The following LTBP2 variants were observed in gnomAD, a reference collection of about 807,000 sequenced individuals.
LTBP2 encodes latent-transforming growth factor beta-binding protein 2.
In LTBP2, 103 loss-of-function variants were observed where a neutral mutation model predicts 210.6. That is an observed-to-expected ratio of 0.49 (90% CI 0.42 to 0.58). LTBP2 has a LOEUF of 0.58. Ranked by LOEUF, LTBP2 falls within the 20% of genes least tolerant of loss-of-function variation. LTBP2 has a pLI of 0.00. For synonymous variants in LTBP2, 1,007 were observed against 1,015.0 expected (o/e 0.99, Z 0.15); for missense variants, 2,313 against 2,494.5 (o/e 0.93, Z 1.55).
chr14:74,533,606 G>A (rs530692460), intron 9 of LTBP2, among the ~76,000 whole-genome samples: 52 of 152,338 alleles, frequency 3.4e-4, no homozygotes, highest in Non-Finnish European at 5.4e-4. Context: ...ACAGTTAAGA[G>A]TGTGCAAAGG....
chr14:74,502,850 C>G lies in LTBP2; in HGVS notation c.4973G>C (p.Gly1658Ala). 1 of 1,614,048 alleles carries G rather than the reference C, an allele frequency of 6.2e-7. No individual in the cohort carries two copies. Among genetic ancestry groups the G allele is most frequent in the Non-Finnish European group, 8.5e-7 (1 of 1,180,008 alleles). The change falls in exon 34 of 36, where the codon GGC becomes GCC. Residue 1658 changes from glycine to alanine, a missense_variant. Gly to Ala is a moderately conservative substitution (Grantham distance 60, BLOSUM62 0). Around this residue, in one of 3 missense-constraint regions of LTBP2, gnomAD observed 443 missense variants for 501.4 expected, o/e 0.88. Transcript: ENST00000261978. ...GTAGTGCAGGTCATCGGGCCCGGGG[C>G]CATACTCATAGCCTGGCCGGAAGTG... Reference protein sequence around the residue: ...GVHFRPGYEYGPGPDDLHYSI... With the variant: ...GVHFRPGYEYAPGPDDLHYSI...
At position 74,565,049 on chromosome 14, in the gene LTBP2, T is replaced by A. The variant is rs79001264; in HGVS notation, c.831-9356A>T. 2.0e-5 allele frequency among the ~76,000 whole-genome samples: 3 copies of A among 152,122 alleles called. No homozygotes were observed. The East Asian group carries it at 5.8e-4, about 29-fold the overall frequency. On this transcript the variant is annotated intron_variant, in intron 3 of 35. Coordinates refer to ENST00000261978, the MANE Select transcript of LTBP2 (RefSeq NM_000428.3). ...AGGTGTCTGGGCTGTACTGAGTGGG[T>A]GAAGGGGAGTGTCCTGAGATTTTGA...
Position 74,503,737 on chromosome 14 carries a change from C to T in LTBP2, c.4583-131G>A, listed in dbSNP as rs1231810233. 6 of 1,301,992 alleles carry T rather than the reference C, an allele frequency of 4.6e-6. No individual in the cohort carries two copies. The Admixed American group carries it at 8.5e-5, about 19-fold the overall frequency. 80.7% of individuals were successfully genotyped at this position (1,301,992 alleles called of 1,614,324 possible). A position where few individuals can be genotyped will look rare whatever the true frequency, so the allele number is the denominator to read the frequency against. ...CCTCCCTCCCCTCAACCCAGCCCAG[C>T]CTGGAAGGCCCTCCTGGGGACAATC... is the stretch of plus-strand genomic sequence containing the variant. On this transcript the variant is annotated intron_variant, in intron 31 of 35. Coordinates refer to ENST00000261978, the MANE Select transcript of LTBP2 (RefSeq NM_000428.3).
At chr14:74,531,835 C>A (rs1200228771) in intron 10 of LTBP2, among the ~76,000 whole-genome samples, 1 of 152,244 alleles carries the variant, frequency 6.6e-6, no homozygotes, top group Admixed American at 6.5e-5. Context: ...CAGCCTGGGC[C>A]TCTCACCCTG....
At chr14:74,585,150 G>A (rs927528721) in intron 3 of LTBP2, among the ~76,000 whole-genome samples, 5 of 152,112 alleles carry the variant, frequency 3.3e-5, no homozygotes, top group Non-Finnish European at 7.4e-5. Flanking sequence ...TGGCAAGCAG[G>A]CCAGGGAATC....
chr14:74,563,305 G>A (rs749433192), intron 3 of LTBP2, among the ~76,000 whole-genome samples: 1 of 152,068 alleles, frequency 6.6e-6, no homozygotes, highest in African/African-American at 2.4e-5. Context: ...TAGGGGACCC[G>A]ACCTAAGACA....
At position 74,540,110 on chromosome 14, in the gene LTBP2, C is replaced by G. The variant is rs572517159; in HGVS notation, c.1790-4110G>C. Among the ~76,000 whole-genome samples, 143 of 152,084 alleles carry G rather than the reference C, an allele frequency of 9.4e-4. 1 individual carries two copies. Among genetic ancestry groups the G allele is most frequent in the African/African-American group, 3.2e-3 (131 of 41,342 alleles). On this transcript the variant is annotated intron_variant, in intron 8 of 35. Transcript: ENST00000261978. The stretch of plus-strand genomic sequence containing the variant: ...GGGCCCTCAGCACCCCTCCTCACAC[C>G]TCTCAGAGACAGTCTATAAGGGGCT...
At chr14:74,507,875 C>T in intron 25 of LTBP2, 98 bp downstream of exon 25, 1 of 1,537,514 alleles carries the variant, frequency 6.5e-7, no homozygotes. Flanking sequence ...GACACTTCAT[C>T]TGTGGAAAGT....
intron 2 of LTBP2, among the ~76,000 whole-genome samples, chr14:74,602,810 A>G (rs1402381685): frequency 6.6e-6 from 1 of 152,246 alleles, no homozygotes; most frequent in African/African-American, 2.4e-5. Context: ...AGAGCAGTCC[A>G]AGGGGAGACG....
Position 74,528,713 on chromosome 14 carries a change from G to A in LTBP2, c.2153-15C>T, listed in dbSNP as rs1214429535. The A allele has an allele frequency of 1.2e-6, 2 of 1,609,654 alleles. No individual in the cohort carries two copies. The highest frequency in any genetic ancestry group is 1.1e-5 in the South Asian group (1 of 91,060). On this transcript the variant is annotated splice_polypyrimidine_tract_variant and intron_variant, in intron 11 of 35. Coordinates refer to ENST00000261978, the MANE Select transcript of LTBP2 (RefSeq NM_000428.3). The stretch of plus-strand genomic sequence containing the variant: ...TCTGAAGGCCTCTGCAAAGCCAACA[G>A]CCAGAGGACAAACTGAGAGGTGCTG...
chr14:74,540,562 G>A (rs1019447417), intron 8 of LTBP2, among the ~76,000 whole-genome samples: 4 of 150,706 alleles, frequency 2.7e-5, no homozygotes, highest in African/African-American at 7.3e-5. Flanking sequence ...TCAGGAGATC[G>A]AGACCATCCT....
chr14:74,610,149 G>C (rs1466300844), intron 1 of LTBP2, among the ~76,000 whole-genome samples: 1 of 152,226 alleles, frequency 6.6e-6, no homozygotes, highest in Non-Finnish European at 1.5e-5. Context: ...CGAAGTCCCT[G>C]TTTGCATAGA....
chr14:74,553,089 G>C, intron 4 of LTBP2, 27 bp from the exon 5 acceptor site: 3 of 1,612,458 alleles, frequency 1.9e-6, no homozygotes, highest in Non-Finnish European at 2.5e-6. Flanking sequence ...TGGGTCCAGG[G>C]GGCAGGGCTG....
chr14:74,528,246 T>A (rs1220904663), intron 12 of LTBP2, among the ~76,000 whole-genome samples: 1 of 152,034 alleles, frequency 6.6e-6, no homozygotes, highest in African/African-American at 2.4e-5. Flanking sequence ...CTTTCCCACC[T>A]CCACAAGCAA....
chr14:74,509,166 C>A (rs1391155808), intron 22 of LTBP2, 72 bp downstream of exon 22: 3 of 1,607,478 alleles, frequency 1.9e-6, no homozygotes, highest in African/African-American at 2.7e-5. Context: ...AGCCCCCCAC[C>A]TGCTGGGCTT....
chr14:74,501,723 A>T, intron 34 of LTBP2, 133 bp from the exon 35 acceptor site: 1 of 1,118,564 alleles, frequency 8.9e-7, no homozygotes, highest in Non-Finnish European at 1.3e-6. Context: ...GAGGATCATA[A>T]AATTCTTGTG....
intron 14 of LTBP2, 124 bp from the exon 15 acceptor site, chr14:74,525,349 C>T (rs773683299): frequency 4.5e-4 from 194 of 433,982 alleles, no homozygotes; most frequent in Non-Finnish European, 8.6e-5. Flanking sequence ...CACTCCCATG[C>T]CTTCCAGTCT....
intron 8 of LTBP2, among the ~76,000 whole-genome samples, chr14:74,544,242 G>C (rs756841314): frequency 3.3e-5 from 5 of 152,166 alleles, no homozygotes; most frequent in Non-Finnish European, 7.4e-5. Flanking sequence ...CCCCAGCACA[G>C]CTGTTCCCCA....
chr14:74,597,329 G>T (rs1208252897), intron 2 of LTBP2, among the ~76,000 whole-genome samples: 3 of 152,230 alleles, frequency 2.0e-5, no homozygotes, highest in Admixed American at 2.0e-4. Flanking sequence ...CCTCTTTGGG[G>T]TGAGGGATTT....
Sources: gnomAD v4.1 joint callset for allele counts (sites outside exome capture counted in the v4.1 genomes callset) on GRCh38, gnomAD v4.1.1 for gene constraint, gnomAD v4.1.1 regional missense constraint, MANE v1.5 for transcripts, NCBI Gene and HGNC (gene_info 2026-07-23, HGNC 2026-07-21) for gene names.